Variants in DISC1 observed in about 807,000 individuals in gnomAD.
The protein encoded by DISC1 is DISC1 scaffold protein.
In DISC1, 57 loss-of-function variants were observed where a neutral mutation model predicts 84.5. The ratio of observed to expected loss-of-function variants is 0.67; its 90% CI spans 0.55 to 0.84. The LOEUF (loss-of-function observed/expected upper bound fraction) is 0.84, where lower values mean the gene tolerates loss of function less well. Among genes scored for constraint, DISC1 ranks in the 40% least tolerant of loss-of-function variants. DISC1 has a pLI of 0.00. For synonymous variants in DISC1, 411 were observed against 415.2 expected (o/e 0.99, Z 0.12); for missense variants, 1,000 against 1,057.8 (o/e 0.95, Z 0.76).
Position 231,642,042 on chromosome 1 carries a change from G to A in DISC1, c.67+15108G>A, listed in dbSNP as rs1335002920. Among the ~76,000 whole-genome samples, 18 of 152,314 alleles carry A rather than the reference G, an allele frequency of 1.2e-4. No homozygotes were observed. The East Asian group carries it at 3.3e-3, about 28-fold the overall frequency. On this transcript the variant is annotated intron_variant, in intron 1 of 12. Coordinates refer to ENST00000439617, the MANE Select transcript of DISC1 (RefSeq NM_018662.3). ...AGGCTCGGGCTGCACAGGAGCCCAC[G>A]AAGGGCGGGGAGGCTCAGGCATGGC...
At chr1:231,701,517 A>G (rs2066418711) in intron 2 of DISC1, among the ~76,000 whole-genome samples, 1 of 152,144 alleles carries the variant, frequency 6.6e-6, no homozygotes, top group Non-Finnish European at 1.5e-5. Context: ...TTCTTACTCA[A>G]GCCTTCAGGA....
intron 9 of DISC1, among the ~76,000 whole-genome samples, chr1:231,911,730 G>C (rs2089225185): frequency 6.6e-6 from 1 of 152,192 alleles, no homozygotes; most frequent in Admixed American, 6.5e-5. Flanking sequence ...TGCCTTGCTA[G>C]GTTGGGGATG....
At chr1:231,776,300 T>C (rs960328806) in intron 6 of DISC1, among the ~76,000 whole-genome samples, 2 of 152,180 alleles carry the variant, frequency 1.3e-5, no homozygotes, top group African/African-American at 4.8e-5. Context: ...TCATCTGGGG[T>C]TGAGTTCTTC....
At chr1:231,931,915 G>A (rs1215223202) in intron 9 of DISC1, among the ~76,000 whole-genome samples, 1 of 152,090 alleles carries the variant, frequency 6.6e-6, no homozygotes, top group Non-Finnish European at 1.5e-5. Flanking sequence ...GCCTCTGAAA[G>A]TGCTGGTTTT....
chr1:231,638,938 T>C (rs1208937608), intron 1 of DISC1, among the ~76,000 whole-genome samples: 1 of 152,224 alleles, frequency 6.6e-6, no homozygotes, highest in Non-Finnish European at 1.5e-5. Context: ...GGTAAATTTC[T>C]TGAGGACAAA....
chr1:231,997,816 A>G (rs146498920), intron 10 of DISC1, among the ~76,000 whole-genome samples: 1 of 152,214 alleles, frequency 6.6e-6, no homozygotes, highest in African/African-American at 2.4e-5. Flanking sequence ...GGGCCTTGGC[A>G]GTATCCACTT....
At chr1:231,648,216 T>C (rs1403317979) in intron 1 of DISC1, among the ~76,000 whole-genome samples, 1 of 152,228 alleles carries the variant, frequency 6.6e-6, no homozygotes, top group Non-Finnish European at 1.5e-5. Flanking sequence ...TAGCTCTTAT[T>C]ATTTTGAGAT....
chr1:231,833,506 C>G (rs897307914), intron 9 of DISC1, among the ~76,000 whole-genome samples: 1 of 151,338 alleles, frequency 6.6e-6, no homozygotes, highest in Middle Eastern at 3.2e-3. Context: ...GGGAAGGAGT[C>G]AGTCAGAGAG....
intron 10 of DISC1, among the ~76,000 whole-genome samples, chr1:231,965,624 CT>C (rs1358670163): frequency 3.3e-5 from 5 of 152,274 alleles, no homozygotes; most frequent in African/African-American, 1.2e-4. Flanking sequence ...TCCTCCTCCT[CT>C]CTGCCCCTTG....
At chr1:231,984,039 G>A (rs1361019636) in intron 10 of DISC1, among the ~76,000 whole-genome samples, 1 of 152,226 alleles carries the variant, frequency 6.6e-6, no homozygotes, top group African/African-American at 2.4e-5. Context: ...GCGGCATGGG[G>A]CCAGGATTCA....
At chr1:231,660,600 C>T (rs541619254) in intron 1 of DISC1, among the ~76,000 whole-genome samples, 5 of 152,216 alleles carry the variant, frequency 3.3e-5, no homozygotes, top group East Asian at 3.9e-4. Context: ...CTCAGCCTCC[C>T]GAGTAGCTGG....
intron 11 of DISC1, among the ~76,000 whole-genome samples, chr1:232,023,938 C>A (rs1486011687): frequency 6.6e-6 from 1 of 151,864 alleles, no homozygotes; most frequent in Non-Finnish European, 1.5e-5. Context: ...CGGTGTTGCT[C>A]ATTATCCAGT....
At chr1:231,662,878 T>A (rs999094691) in intron 1 of DISC1, among the ~76,000 whole-genome samples, 1 of 151,928 alleles carries the variant, frequency 6.6e-6, no homozygotes, top group Admixed American at 6.6e-5. Context: ...CAAAGAAAAC[T>A]GGTCATGGAG....
At chr1:231,721,411 C>T (rs894489110) in intron 3 of DISC1, among the ~76,000 whole-genome samples, 2 of 152,186 alleles carry the variant, frequency 1.3e-5, no homozygotes, top group Non-Finnish European at 2.9e-5. Flanking sequence ...GAGGATTTGG[C>T]TTCATGCTCC....
chr1:231,753,712 CA>C (rs1403524762), intron 4 of DISC1, among the ~76,000 whole-genome samples: 3 of 152,200 alleles, frequency 2.0e-5, no homozygotes, highest in Non-Finnish European at 4.4e-5. Flanking sequence ...GGCCAAGCTG[CA>C]AATTTTCCAA....
At chr1:231,750,487 G>T in intron 4 of DISC1, 1 of 998,256 alleles carries the variant, frequency 1.0e-6, no homozygotes, top group Non-Finnish European at 1.2e-6. Flanking sequence ...TCCTAACTCT[G>T]CCCTCCAGCT....
rs5781676 is a variant in DISC1, at chr1:231,896,788, A to AT, written c.1982-62039dup. On this transcript the variant is annotated intron_variant, in intron 9 of 12. Coordinates refer to ENST00000439617, the MANE Select transcript of DISC1 (RefSeq NM_018662.3). ...AAGCACCAACATAGTGTCTGGCACC[A>AT]TGTCGTTCAGTAAATATTATACCTG... Among the ~76,000 whole-genome samples the AT allele has an allele frequency of 5.1e-3, 773 of 152,338 alleles. 11 individuals are homozygous for AT. The highest frequency in any genetic ancestry group is 0.018 in the African/African-American group (735 of 41,576).
intron 9 of DISC1, among the ~76,000 whole-genome samples, chr1:231,861,460 T>G (rs1467351605): frequency 8.1e-6 from 1 of 124,018 alleles, no homozygotes; most frequent in Non-Finnish European, 1.6e-5. Context: ...AAGTTTTTTT[T>G]TTTTTTTTTT....
At chr1:231,993,481 A>AAC (rs1665501696) in intron 10 of DISC1, among the ~76,000 whole-genome samples, 1 of 152,088 alleles carries the variant, frequency 6.6e-6, no homozygotes, top group South Asian at 2.1e-4. Context: ...GTAGTACTGG[A>AAC]AATGGGGAAA....
Sources: gnomAD v4.1 joint callset for allele counts (sites outside exome capture counted in the v4.1 genomes callset) on GRCh38, gnomAD v4.1.1 for gene constraint, MANE v1.5 for transcripts, NCBI Gene and HGNC (gene_info 2026-07-23, HGNC 2026-07-21) for gene names.